The following PDE4B variants were observed in gnomAD, a reference collection of about 807,000 sequenced individuals.
PDE4B encodes phosphodiesterase 4B.
In PDE4B, 20 loss-of-function variants were observed where a neutral mutation model predicts 82.2. That is an observed-to-expected ratio of 0.24 (90% CI 0.17 to 0.35). The LOEUF is 0.35. Among genes scored for constraint, PDE4B ranks in the 10% least tolerant of loss-of-function variants. The pLI is 1.00. For missense variants in PDE4B, 655 were observed against 907.2 expected (o/e 0.72, Z 3.57); for synonymous variants, 320 against 318.9 (o/e 1.00, Z -0.04).
chr1:66,102,357 T>C (rs1200821966), intron 3 of PDE4B, among the ~76,000 whole-genome samples: 1 of 152,130 alleles, frequency 6.6e-6, no homozygotes, highest in Non-Finnish European at 1.5e-5. Flanking sequence ...TGAAATGTGA[T>C]GAAAATGTAA....
chr1:65,949,150 A>G lies in PDE4B; in HGVS notation c.281+30315A>G, dbSNP rs117414582. On this transcript the variant is annotated intron_variant, in intron 3 of 16. Coordinates refer to ENST00000341517, the MANE Select transcript of PDE4B (RefSeq NM_002600.4). ...GCTCTTCTCAGATCCTATCATCTCC[A>G]TTGCTATTAGGGAACCCACTACCAT... 1.1e-3 allele frequency among the ~76,000 whole-genome samples: 160 copies of G among 151,986 alleles called. 1 individual carries two copies. The East Asian group carries it at 0.027, about 26-fold the overall frequency.
intron 3 of PDE4B, among the ~76,000 whole-genome samples, chr1:66,141,594 C>G (rs1481142018): frequency 3.3e-5 from 5 of 151,762 alleles, no homozygotes; most frequent in African/African-American, 1.2e-4. Context: ...CTCAGAAAGC[C>G]TCCTCAGAAA....
chr1:66,071,684 A>C (rs1236190481), intron 3 of PDE4B, among the ~76,000 whole-genome samples: 1 of 152,080 alleles, frequency 6.6e-6, no homozygotes, highest in Non-Finnish European at 1.5e-5. Context: ...GCATTCTAAA[A>C]GAGGAGCATG....
chr1:65,862,076 C>G (rs892131221), intron 1 of PDE4B, among the ~76,000 whole-genome samples: 2 of 152,030 alleles, frequency 1.3e-5, no homozygotes, highest in Middle Eastern at 3.2e-3. Context: ...CCAGAACTTC[C>G]AATACTATAT....
intron 3 of PDE4B, among the ~76,000 whole-genome samples, chr1:66,237,970 A>G (rs1013324162): frequency 9.9e-5 from 15 of 152,210 alleles, no homozygotes; most frequent in African/African-American, 3.6e-4. Flanking sequence ...GGGGAAAAAA[A>G]AGACAAATAA....
intron 3 of PDE4B, among the ~76,000 whole-genome samples, chr1:65,999,968 T>A (rs953503304): frequency 3.3e-5 from 5 of 152,240 alleles, no homozygotes; most frequent in Non-Finnish European, 7.3e-5. Context: ...GTAGAGCTAC[T>A]GCAGCTTGCT....
chr1:65,833,102 T>C (rs1175624346), intron 1 of PDE4B, among the ~76,000 whole-genome samples: 2 of 152,204 alleles, frequency 1.3e-5, no homozygotes, highest in Non-Finnish European at 2.9e-5. Context: ...GATTTAAGGA[T>C]GATTTGTTAC....
chr1:65,910,612 C>G (rs1362363038), intron 1 of PDE4B, among the ~76,000 whole-genome samples: 5 of 152,166 alleles, frequency 3.3e-5, no homozygotes, highest in Non-Finnish European at 5.9e-5. Flanking sequence ...ACAAAAAGGG[C>G]TATGAAATAC....
chr1:65,821,793 T>TA (rs1645955928), intron 1 of PDE4B, among the ~76,000 whole-genome samples: 1 of 152,314 alleles, frequency 6.6e-6, no homozygotes, highest in South Asian at 2.1e-4. Context: ...GTAGAGTCTT[T>TA]AAAAAATGTC....
chr1:66,040,428 C>A (rs1171894858), intron 3 of PDE4B, among the ~76,000 whole-genome samples: 2 of 151,944 alleles, frequency 1.3e-5, no homozygotes, highest in Admixed American at 1.3e-4. Context: ...AAAGGCTGTG[C>A]AGTGGGAGTA....
At chr1:66,251,292 G>C (rs767239729) in intron 4 of PDE4B, among the ~76,000 whole-genome samples, 2 of 152,072 alleles carry the variant, frequency 1.3e-5, no homozygotes, top group African/African-American at 4.8e-5. Context: ...AGGATATTAG[G>C]GCACAGAGAA....
intron 1 of PDE4B, among the ~76,000 whole-genome samples, chr1:65,823,294 G>A (rs930896991): frequency 6.6e-6 from 1 of 151,548 alleles, no homozygotes; most frequent in African/African-American, 2.4e-5. Context: ...TACTCAGGAG[G>A]CTGAGGCATG....
chr1:66,053,924 T>G (rs1197363736), intron 3 of PDE4B, among the ~76,000 whole-genome samples: 1 of 152,128 alleles, frequency 6.6e-6, no homozygotes, highest in East Asian at 1.9e-4. Flanking sequence ...CCAACTATCC[T>G]GGTTTGCTCA....
intron 3 of PDE4B, among the ~76,000 whole-genome samples, chr1:65,977,180 G>T (rs192948202): frequency 9.2e-5 from 14 of 152,264 alleles, no homozygotes; most frequent in African/African-American, 2.9e-4. Flanking sequence ...GAATGCAGTG[G>T]TTCACAAATA....
chr1:65,954,405 T>A (rs1649153733), intron 3 of PDE4B, among the ~76,000 whole-genome samples: 1 of 152,076 alleles, frequency 6.6e-6, no homozygotes, highest in African/African-American at 2.4e-5. Flanking sequence ...GCAACCTAAT[T>A]GTCATTAAAA....
chr1:66,275,050 A>G (rs991358193), intron 7 of PDE4B, among the ~76,000 whole-genome samples: 1 of 152,240 alleles, frequency 6.6e-6, no homozygotes, highest in Admixed American at 6.5e-5. Flanking sequence ...CTGAAAAGTC[A>G]GGAGGGAGAA....
chr1:65,994,675 CAATT>C (rs1651435685), intron 3 of PDE4B, among the ~76,000 whole-genome samples: 1 of 151,980 alleles, frequency 6.6e-6, no homozygotes, highest in Non-Finnish European at 1.5e-5. Flanking sequence ...AGAAAATACA[CAATT>C]AATAGATGCA....
At chr1:66,184,114 G>GT (rs1416098514) in intron 3 of PDE4B, among the ~76,000 whole-genome samples, 1 of 152,098 alleles carries the variant, frequency 6.6e-6, no homozygotes, top group East Asian at 1.9e-4. Flanking sequence ...GGCTATTAGT[G>GT]GCTGACCCTA....
At chr1:66,339,048 A>C (rs1178697209) in intron 8 of PDE4B, among the ~76,000 whole-genome samples, 1 of 150,538 alleles carries the variant, frequency 6.6e-6, no homozygotes, top group Admixed American at 6.6e-5. Context: ...GAGATAAGTT[A>C]TTCTTATTTT....
Sources: gnomAD v4.1 joint callset for allele counts (sites outside exome capture counted in the v4.1 genomes callset) on GRCh38, gnomAD v4.1.1 for gene constraint, MANE v1.5 for transcripts, NCBI Gene and HGNC (gene_info 2026-07-23, HGNC 2026-07-21) for gene names.